BORCS5: variants seen among roughly 807,000 people sequenced by gnomAD.
BORCS5 encodes BLOC-1-related complex subunit 5.
In BORCS5, 17 loss-of-function variants were observed where a neutral mutation model predicts 22.1. That is an observed-to-expected ratio of 0.77 (90% CI 0.53 to 1.15). BORCS5 has a LOEUF of 1.15. BORCS5 is among the 50% of genes most tolerant of loss of function. BORCS5 has a pLI of 0.00. For synonymous variants in BORCS5, 117 were observed against 99.8 expected, an observed-to-expected ratio of 1.17 and a Z score of -1.03; for missense variants, 247 against 253.2, an observed-to-expected ratio of 0.98 and a Z score of 0.17.
intron 3 of BORCS5, among the ~76,000 whole-genome samples, chr12:12,447,629 G>A (rs1416441622): frequency 4.6e-5 from 7 of 152,242 alleles, no homozygotes; most frequent in South Asian, 2.1e-4. Flanking sequence ...CTTCAGGCAC[G>A]GGGTGGAGGA....
chr12:12,409,000 T>C (rs2136082616), intron 2 of BORCS5, among the ~76,000 whole-genome samples: 1 of 152,264 alleles, frequency 6.6e-6, no homozygotes, highest in South Asian at 2.1e-4. Context: ...TTTAATTTTT[T>C]GAGGAACCAC....
chr12:12,394,453 G>A (rs1941281544), intron 2 of BORCS5, among the ~76,000 whole-genome samples: 1 of 151,840 alleles, frequency 6.6e-6, no homozygotes, highest in South Asian at 2.1e-4. Context: ...GCCATTTTTG[G>A]TTTTCCCTGT....
At chr12:12,403,064 C>CTT (rs527519657) in intron 2 of BORCS5, among the ~76,000 whole-genome samples, 1 of 144,720 alleles carries the variant, frequency 6.9e-6, no homozygotes, top group African/African-American at 2.5e-5. Flanking sequence ...CCACATTTCC[C>CTT]TTTTTTTTTT....
intron 3 of BORCS5, among the ~76,000 whole-genome samples, chr12:12,458,411 A>G (rs1350746963): frequency 6.6e-6 from 1 of 152,192 alleles, no homozygotes; most frequent in Non-Finnish European, 1.5e-5. Flanking sequence ...TTGAATTATA[A>G]GAGTTATTGA....
intron 2 of BORCS5, among the ~76,000 whole-genome samples, chr12:12,427,664 G>T (rs867505295): frequency 6.6e-6 from 1 of 152,114 alleles, no homozygotes; most frequent in East Asian, 1.9e-4. Flanking sequence ...ACCATAAACC[G>T]GGTGGCTTAA....
chr12:12,433,723 T>A (rs1021792669), intron 2 of BORCS5, among the ~76,000 whole-genome samples: 6 of 152,182 alleles, frequency 3.9e-5, no homozygotes, highest in South Asian at 2.1e-4. Flanking sequence ...TAACTGGTGC[T>A]CTCCTGTGTT....
intron 1 of BORCS5, among the ~76,000 whole-genome samples, chr12:12,359,188 C>T (rs1045068741): frequency 2.6e-5 from 4 of 152,048 alleles, no homozygotes; most frequent in African/African-American, 9.7e-5. Flanking sequence ...CTTTGTCCTC[C>T]AAATTTCTGA....
intron 2 of BORCS5, among the ~76,000 whole-genome samples, chr12:12,384,580 T>C (rs1863841362): frequency 6.6e-6 from 1 of 150,980 alleles, no homozygotes; most frequent in African/African-American, 2.4e-5. Context: ...TCCTCCCAAA[T>C]TGCTGTTGTT....
intron 2 of BORCS5, among the ~76,000 whole-genome samples, chr12:12,427,584 A>G (rs1942320826): frequency 6.6e-6 from 1 of 152,176 alleles, no homozygotes. Flanking sequence ...ATATACTATG[A>G]CCAATAGACT....
At chr12:12,379,808 CTTTTAATTCCCT>C (rs1237023290) in intron 2 of BORCS5, among the ~76,000 whole-genome samples, 4 of 151,516 alleles carry the variant, frequency 2.6e-5, no homozygotes, top group South Asian at 4.2e-4. Context: ...TGGAGTAGCA[CTTTTAATTCCCT>C]TTAAGAACTT....
At chr12:12,451,923 A>G (rs1183025256) in intron 3 of BORCS5, among the ~76,000 whole-genome samples, 3 of 107,586 alleles carry the variant, frequency 2.8e-5, no homozygotes, top group African/African-American at 1.3e-4. Context: ...TCTCAAAAAA[A>G]AAAATTAAAA....
chr12:12,368,503 G>A (rs1863453280), intron 2 of BORCS5, among the ~76,000 whole-genome samples: 2 of 151,632 alleles, frequency 1.3e-5, no homozygotes, highest in South Asian at 4.2e-4. Context: ...GGAGTGCAGT[G>A]GCACAATCAT....
At chr12:12,405,251 A>T (rs187388339) in intron 2 of BORCS5, among the ~76,000 whole-genome samples, 1 of 152,358 alleles carries the variant, frequency 6.6e-6, no homozygotes, top group East Asian at 1.9e-4. Context: ...CCACATCTCA[A>T]CCAAGCAAAA....
intron 2 of BORCS5, among the ~76,000 whole-genome samples, chr12:12,404,587 A>T (rs1158427245): frequency 6.6e-6 from 1 of 152,188 alleles, no homozygotes; most frequent in African/African-American, 2.4e-5. Flanking sequence ...TTTGGAAGGG[A>T]CCCATTCAAA....
rs1863652432 is a variant in BORCS5, at chr12:12,376,357, C to T, written c.202+15008C>T. 2.6e-5 allele frequency among the ~76,000 whole-genome samples: 4 copies of T among 151,918 alleles called. No homozygotes were observed. In the South Asian group the frequency reaches 8.3e-4, roughly 32 times the overall value. On this transcript the variant is annotated intron_variant, in intron 2 of 3. Transcript: ENST00000314565. The stretch of plus-strand genomic sequence containing the variant: ...CACGCCATTCTCCTGCCTCAGCCTC[C>T]TGAGTAGCTGGGACTACAGGCGCCC...
In BORCS5 at chr12:12,416,129, C is replaced by T. The variant is rs543176960; in HGVS notation, c.203-19499C>T. ...TATTGCTGTACAATTACTCATAGTA[C>T]CTTGTAAAGTCATTTTTATTCCCAT... On this transcript the variant is annotated intron_variant, in intron 2 of 3. Coordinates refer to ENST00000314565, the MANE Select transcript of BORCS5 (RefSeq NM_058169.6). Among the ~76,000 whole-genome samples, 12 of 152,238 alleles carry T rather than the reference C, an allele frequency of 7.9e-5. No individual in the cohort carries two copies. In the East Asian group the frequency reaches 2.1e-3, roughly 27 times the overall value.
At chr12:12,433,064 T>A (rs559125376) in intron 2 of BORCS5, among the ~76,000 whole-genome samples, 10 of 152,214 alleles carry the variant, frequency 6.6e-5, no homozygotes, top group African/African-American at 2.4e-4. Flanking sequence ...CTGGGCACAG[T>A]GGCTCATGCC....
chr12:12,465,516 G>A, intron 3 of BORCS5, 30 bp from the exon 4 acceptor site: 1 of 1,597,764 alleles, frequency 6.3e-7, no homozygotes, highest in Non-Finnish European at 8.6e-7. Flanking sequence ...ATTAAACAAG[G>A]TATAATGTAC....
At chr12:12,424,606 AT>A (rs34233192) in intron 2 of BORCS5, among the ~76,000 whole-genome samples, 2,452 of 145,126 alleles carry the variant, frequency 0.017, 60 homozygotes, top group African/African-American at 0.057. Context: ...ATGACTGGTG[AT>A]TTTTTTTTTT....
Sources: gnomAD v4.1 joint callset for allele counts (sites outside exome capture counted in the v4.1 genomes callset) on GRCh38, gnomAD v4.1.1 for gene constraint, MANE v1.5 for transcripts, NCBI Gene and HGNC (gene_info 2026-07-23, HGNC 2026-07-21) for gene names.